LOXL2: variants seen among roughly 807,000 people sequenced by gnomAD.
LOXL2 encodes lysyl oxidase homolog 2.
Under a neutral mutation model 93.0 loss-of-function variants are expected in LOXL2, and 70 were observed. The ratio of observed to expected loss-of-function variants is 0.75; its 90% CI spans 0.62 to 0.92. The LOEUF (loss-of-function observed/expected upper bound fraction) is 0.92. LOXL2 is among the 40% of genes least tolerant of loss of function. The pLI is 0.00. For missense variants in LOXL2, 973 were observed against 1,054.9 expected (o/e 0.92, Z 1.08); for synonymous variants, 438 against 413.2 (o/e 1.06, Z -0.73).
At chr8:23,364,496 T>C (rs1294025815) in intron 2 of LOXL2, 3 of 152,148 alleles carry the variant, frequency 2.0e-5, no homozygotes, top group Non-Finnish European at 4.4e-5. Flanking sequence ...TGAAATTCAG[T>C]TGGAATGCCA....
intron 1 of LOXL2, among the ~76,000 whole-genome samples, chr8:23,393,127 T>G (rs1350689638): frequency 1.3e-5 from 2 of 152,232 alleles, no homozygotes; most frequent in African/African-American, 4.8e-5. Context: ...AAGATGAGAA[T>G]ACTCCTCAAA....
At chr8:23,376,418 T>G (rs1478846366) in intron 1 of LOXL2, among the ~76,000 whole-genome samples, 1 of 152,220 alleles carries the variant, frequency 6.6e-6, no homozygotes, top group Admixed American at 6.5e-5. Context: ...GTTGTGTCTC[T>G]GCCAGGCTTT....
chr8:23,349,703 G>A (rs1460491078), intron 3 of LOXL2, among the ~76,000 whole-genome samples: 2 of 152,048 alleles, frequency 1.3e-5, no homozygotes, highest in East Asian at 3.9e-4. Flanking sequence ...CAATTGGACT[G>A]TGAATCCCCT....
intron 2 of LOXL2, among the ~76,000 whole-genome samples, chr8:23,360,977 T>A (rs1260440913): frequency 6.6e-6 from 1 of 151,922 alleles, no homozygotes; most frequent in African/African-American, 2.4e-5. Flanking sequence ...CTTGGCTCAC[T>A]TCAACCTCCG....
At chr8:23,348,603 T>A (rs7462539) in intron 3 of LOXL2, among the ~76,000 whole-genome samples, 2 of 151,612 alleles carry the variant, frequency 1.3e-5, no homozygotes, top group Admixed American at 1.3e-4. Context: ...CTCGGCCGGG[T>A]GCGGTGGCTC....
chr8:23,333,651 C>A, intron 4 of LOXL2, 28 bp from the exon 5 acceptor site: 1 of 1,582,228 alleles, frequency 6.3e-7, no homozygotes. Flanking sequence ...GGACAGGGGA[C>A]CAGGGCATCA....
chr8:23,368,928 A>G (rs1196282136), intron 1 of LOXL2, among the ~76,000 whole-genome samples: 1 of 152,102 alleles, frequency 6.6e-6, no homozygotes, highest in Non-Finnish European at 1.5e-5. Flanking sequence ...GAGGGAGAAT[A>G]AATACCTGAC....
intron 2 of LOXL2, chr8:23,365,477 G>A (rs915339667): frequency 4.7e-5 from 7 of 149,096 alleles, no homozygotes; most frequent in Non-Finnish European, 1.0e-4. Context: ...ACCACTTCAC[G>A]TAAGCAGCTT....
In LOXL2 at chr8:23,385,922, C is replaced by A. The variant is rs113812919; in HGVS notation, c.-83-17488G>T. 5 of 764,652 alleles carry A rather than the reference C, an allele frequency of 6.5e-6. No individual in the cohort carries two copies. In the African/African-American group the frequency reaches 6.8e-5, roughly 10 times the overall value. 47.4% of individuals were successfully genotyped at this position (764,652 alleles called of 1,614,324 possible). ...TCCAGCACGTACTTTGCGTTTGCAG[C>A]GCATCTCAATTCCAAGCAGCACATT... On this transcript the variant is annotated intron_variant, in intron 1 of 13. Transcript: ENST00000389131.
At position 23,397,903 on chromosome 8, in the gene LOXL2, G is replaced by A. The variant is rs562717216; in HGVS notation, c.-84+6051C>T. ...TTGAACCTGGAAGGTGGAGGTTGCC[G>A]TGAGCTGAGATTGCACCACTGCACT... On this transcript the variant is annotated intron_variant, in intron 1 of 13. Transcript: ENST00000389131. 4.0e-5 allele frequency among the ~76,000 whole-genome samples: 6 copies of A among 148,170 alleles called. No individual in the cohort carries two copies. The East Asian group carries it at 9.8e-4, about 24-fold the overall frequency.
chr8:23,380,406 A>AAAAAAAAAAAAG (rs57485192), intron 1 of LOXL2, among the ~76,000 whole-genome samples: 48 of 128,476 alleles, frequency 3.7e-4, no homozygotes, highest in African/African-American at 4.8e-4. Context: ...AAAAAAAAAA[A>AAAAAAAAAAAAG]AAAAAGACAT....
intron 1 of LOXL2, among the ~76,000 whole-genome samples, chr8:23,376,677 T>C (rs1310329933): frequency 1.3e-5 from 2 of 152,324 alleles, no homozygotes; most frequent in East Asian, 1.9e-4. Context: ...GGAGAGTGTA[T>C]GTGTCCAGGA....
chr8:23,402,333 GCACA>G (rs1469452542), intron 1 of LOXL2, among the ~76,000 whole-genome samples: 2 of 152,200 alleles, frequency 1.3e-5, no homozygotes, highest in South Asian at 2.1e-4. Flanking sequence ...GTGCGCGCGT[GCACA>G]CACAGATTAG....
chr8:23,377,959 C>T (rs201354559), intron 1 of LOXL2, among the ~76,000 whole-genome samples: 55 of 152,212 alleles, frequency 3.6e-4, no homozygotes, highest in East Asian at 2.9e-3. Flanking sequence ...AATATTGTTA[C>T]GTGTAAATTT....
chr8:23,327,588 T>C (rs1803600765), intron 6 of LOXL2, among the ~76,000 whole-genome samples: 2 of 152,104 alleles, frequency 1.3e-5, no homozygotes, highest in Non-Finnish European at 2.9e-5. Flanking sequence ...GAAATGACCA[T>C]GACTTCCCTC....
chr8:23,299,269 G>A (rs979316414), intron 12 of LOXL2, among the ~76,000 whole-genome samples: 3 of 152,202 alleles, frequency 2.0e-5, no homozygotes, highest in Non-Finnish European at 4.4e-5. Flanking sequence ...GGGGTCTGGG[G>A]AGGCCCCAAA....
chr8:23,309,529 C>G (rs1803287914), intron 10 of LOXL2, 139 bp downstream of exon 10: 18 of 1,032,072 alleles, frequency 1.7e-5, no homozygotes, highest in Non-Finnish European at 2.0e-5. Context: ...CAGATGCAAG[C>G]CCCCCACTTA....
chr8:23,322,282 C>T lies in LOXL2; in HGVS notation c.1151-1G>A, dbSNP rs1280632002. Reference sequence around the variant, plus strand: ...TCGTTGAGGTGGATGGGTCCGATCCCTGCAAGGGGAGAATAAACATGCTCT... The same window carrying T: ...TCGTTGAGGTGGATGGGTCCGATCCTTGCAAGGGGAGAATAAACATGCTCT... On this transcript the variant is annotated splice_acceptor_variant, in intron 6 of 13. Transcript: ENST00000389131. LOFTEE classifies it high-confidence loss of function. 2.5e-6 allele frequency: 4 copies of T among 1,612,216 alleles called. No individual in the cohort carries two copies. Among genetic ancestry groups the T allele is most frequent in the Non-Finnish European group, 3.4e-6 (4 of 1,178,794 alleles).
Position 23,297,302 on chromosome 8 carries a change from CA to C in LOXL2, c.*740del, listed in dbSNP as rs1340383714. 1 of 152,200 alleles carries C rather than the reference CA, an allele frequency of 6.6e-6. No individual in the cohort carries two copies. The highest frequency in any genetic ancestry group is 1.5e-5 in the Non-Finnish European group (1 of 68,046). 9.4% of individuals were successfully genotyped at this position (152,200 alleles called of 1,614,324 possible). Reference sequence around the variant, plus strand: ...TTATAGCACCGTTGAATCAAAAACCCACAGAATTGGAACAACAGGAAGATGA... The same window carrying C: ...TTATAGCACCGTTGAATCAAAAACCCCAGAATTGGAACAACAGGAAGATGA... On this transcript the variant is annotated 3_prime_UTR_variant, in exon 14 of 14. Coordinates refer to ENST00000389131, the MANE Select transcript of LOXL2 (RefSeq NM_002318.3).
Sources: gnomAD v4.1 joint callset for allele counts (sites outside exome capture counted in the v4.1 genomes callset) on GRCh38, gnomAD v4.1.1 for gene constraint, MANE v1.5 for transcripts, NCBI Gene and HGNC (gene_info 2026-07-23, HGNC 2026-07-21) for gene names.